The following ANO2 variants were observed in gnomAD, a reference collection of about 807,000 sequenced individuals.
ANO2 encodes anoctamin-2.
A neutral mutation model predicts 124.2 loss-of-function variants in ANO2; 101 were observed. The observed-to-expected ratio is 0.81, with a 90% CI of 0.69 to 0.96. ANO2 has a LOEUF of 0.96. Ranked by LOEUF, ANO2 falls within the 40% of genes least tolerant of loss-of-function variation. The probability of loss-of-function intolerance (pLI) is 0.00; values close to 1 mark genes in which losing one functional copy is unlikely to be tolerated. For missense variants in ANO2, 1,293 were observed against 1,274.5 expected, an observed-to-expected ratio of 1.01 and a Z score of -0.22; for synonymous variants, 486 against 482.5, an observed-to-expected ratio of 1.01 and a Z score of -0.09.
chr12:5,770,740 A>G (rs1841399595), intron 10 of ANO2, among the ~76,000 whole-genome samples: 1 of 152,178 alleles, frequency 6.6e-6, no homozygotes, highest in Admixed American at 6.5e-5. Flanking sequence ...CTGACTTTAT[A>G]TCACAGGTAG....
intron 10 of ANO2, among the ~76,000 whole-genome samples, chr12:5,798,508 C>T (rs1952940476): frequency 6.6e-6 from 1 of 152,168 alleles, no homozygotes; most frequent in African/African-American, 2.4e-5. Context: ...AATCCCAGCC[C>T]AGGGCAACCA....
At position 5,704,502 on chromosome 12, in the gene ANO2, G is replaced by A. The variant is rs372397614; in HGVS notation, c.1545+28018C>T. 6.6e-5 allele frequency among the ~76,000 whole-genome samples: 10 copies of A among 152,298 alleles called. No individual in the cohort carries two copies. The East Asian group carries it at 1.4e-3, about 21-fold the overall frequency. On this transcript the variant is annotated intron_variant, in intron 14 of 24. Transcript: ENST00000682330. ...ATTCTCAAAATCCTGGGGAGATGGCGGTGGGGAGAGGGAGAATAGCCTTTT... is the reference window on the plus strand; with the variant it reads ...ATTCTCAAAATCCTGGGGAGATGGCAGTGGGGAGAGGGAGAATAGCCTTTT...
At chr12:5,732,825 CA>C (rs1277786889) in intron 13 of ANO2, 195 bp from the exon 14 acceptor site, 3 of 1,613,168 alleles carry the variant, frequency 1.9e-6, no homozygotes, top group Non-Finnish European at 2.5e-6. Context: ...GAGGAAGAGA[CA>C]AGGGACACAC....
chr12:5,906,364 G>T (rs117746063), intron 3 of ANO2, among the ~76,000 whole-genome samples: 9 of 137,962 alleles, frequency 6.5e-5, no homozygotes, highest in Non-Finnish European at 1.1e-4. Context: ...AAAAAAAAAA[G>T]AAAAAGAAAA....
At chr12:5,728,265 C>A (rs1026819798) in intron 14 of ANO2, among the ~76,000 whole-genome samples, 5 of 151,996 alleles carry the variant, frequency 3.3e-5, no homozygotes, top group Admixed American at 2.0e-4. Flanking sequence ...CCTAAGGAAT[C>A]CATTAAAAAT....
At chr12:5,902,973 T>C (rs201246487) in intron 3 of ANO2, among the ~76,000 whole-genome samples, 1 of 149,454 alleles carries the variant, frequency 6.7e-6, no homozygotes, top group Admixed American at 6.7e-5. Flanking sequence ...AAGGTCTCTA[T>C]GATTTTAGCT....
intron 16 of ANO2, among the ~76,000 whole-genome samples, chr12:5,625,627 C>T (rs745315228): frequency 6.6e-6 from 1 of 152,138 alleles, no homozygotes; most frequent in Non-Finnish European, 1.5e-5. Context: ...CCCCAAACCC[C>T]AGCTCATGAC....
chr12:5,606,934 T>C (rs1306924105), intron 19 of ANO2, among the ~76,000 whole-genome samples: 1 of 152,128 alleles, frequency 6.6e-6, no homozygotes, highest in African/African-American at 2.4e-5. Flanking sequence ...TCTTAGAAAA[T>C]TGCTTTTAGA....
chr12:5,836,156 C>A (rs775149278), intron 4 of ANO2, among the ~76,000 whole-genome samples: 5 of 152,188 alleles, frequency 3.3e-5, no homozygotes, highest in Admixed American at 6.5e-5. Context: ...TAGTTTACAA[C>A]AATAACTGGT....
chr12:5,614,769 G>T (rs74056066), intron 17 of ANO2, among the ~76,000 whole-genome samples: 1 of 152,020 alleles, frequency 6.6e-6, no homozygotes, highest in African/African-American at 2.4e-5. Context: ...GCTTGCCACT[G>T]GTGTCTGAAA....
intron 19 of ANO2, among the ~76,000 whole-genome samples, chr12:5,611,190 C>G (rs1944530062): frequency 6.6e-6 from 1 of 151,976 alleles, no homozygotes; most frequent in Non-Finnish European, 1.5e-5. Context: ...AGGCTGGTCT[C>G]AAATTCCTGA....
At chr12:5,579,164 T>C (rs868579511) in intron 20 of ANO2, among the ~76,000 whole-genome samples, 3 of 152,226 alleles carry the variant, frequency 2.0e-5, no homozygotes, top group African/African-American at 7.2e-5. Flanking sequence ...ATGGAGAGCA[T>C]TTATAAATGT....
intron 23 of ANO2, among the ~76,000 whole-genome samples, chr12:5,574,492 A>G (rs1394733074): frequency 1.3e-5 from 2 of 151,394 alleles, no homozygotes; most frequent in South Asian, 2.1e-4. Flanking sequence ...CTCTCTCAGC[A>G]TATTCCCTCT....
chr12:5,860,895 A>G (rs1418261662), intron 3 of ANO2, among the ~76,000 whole-genome samples: 1 of 152,228 alleles, frequency 6.6e-6, no homozygotes, highest in East Asian at 1.9e-4. Context: ...GGGGTGTTAT[A>G]GCATTAAGGA....
chr12:5,807,483 C>T, intron 7 of ANO2, 115 bp from the exon 8 acceptor site: 1 of 803,732 alleles, frequency 1.2e-6, no homozygotes. Context: ...ATCACTGCAT[C>T]CTCCTCTATA....
chr12:5,798,329 C>A (rs1415746056), intron 10 of ANO2, among the ~76,000 whole-genome samples: 2 of 152,156 alleles, frequency 1.3e-5, no homozygotes, highest in African/African-American at 2.4e-5. Context: ...GGAACAAACA[C>A]CTGCTTCCAA....
intron 3 of ANO2, among the ~76,000 whole-genome samples, chr12:5,874,800 G>A (rs573819140): frequency 1.6e-4 from 24 of 152,170 alleles, no homozygotes; most frequent in Admixed American, 4.6e-4. Flanking sequence ...TTTTTATTTG[G>A]AACTCTTACC....
In ANO2 at chr12:5,720,878, G is replaced by A. The variant is rs1240782184; in HGVS notation, c.1545+11642C>T. Reference sequence around the variant, plus strand: ...ATGTATACAGTGAGCAGAGGAGAAGGTCTTATTTTAGCCAGAACTCCTGAT... The same window carrying A: ...ATGTATACAGTGAGCAGAGGAGAAGATCTTATTTTAGCCAGAACTCCTGAT... On this transcript the variant is annotated intron_variant, in intron 14 of 24. Transcript: ENST00000682330. 2.6e-5 allele frequency among the ~76,000 whole-genome samples: 4 copies of A among 152,206 alleles called. No homozygotes were observed. The South Asian group carries it at 6.2e-4, about 24-fold the overall frequency.
chr12:5,585,317 C>T (rs1943051837), intron 20 of ANO2, among the ~76,000 whole-genome samples: 1 of 152,164 alleles, frequency 6.6e-6, no homozygotes, highest in African/African-American at 2.4e-5. Context: ...TGGGGGTTTA[C>T]ACAATGGATC....
Sources: gnomAD v4.1 joint callset for allele counts (sites outside exome capture counted in the v4.1 genomes callset) on GRCh38, gnomAD v4.1.1 for gene constraint, MANE v1.5 for transcripts, NCBI Gene and HGNC (gene_info 2026-07-23, HGNC 2026-07-21) for gene names.